Variants in MACROD2 observed in about 807,000 individuals in gnomAD.
The protein encoded by MACROD2 is ADP-ribose glycohydrolase MACROD2.
MACROD2 carries 36 observed loss-of-function variants against 70.4 expected under a neutral mutation model. The observed-to-expected ratio is 0.51, with a 90% CI of 0.39 to 0.68. MACROD2 has a LOEUF of 0.68. Ranked by LOEUF, MACROD2 falls within the 30% of genes least tolerant of loss-of-function variation. The pLI, the probability that MACROD2 is intolerant of heterozygous loss-of-function variation, is 0.00. For missense variants in MACROD2, 496 were observed against 538.4 expected, an observed-to-expected ratio of 0.92 and a Z score of 0.78; for synonymous variants, 172 against 178.8, an observed-to-expected ratio of 0.96 and a Z score of 0.30.
intron 6 of MACROD2, among the ~76,000 whole-genome samples, chr20:15,431,155 C>G (rs908343559): frequency 1.3e-5 from 2 of 151,988 alleles, no homozygotes; most frequent in East Asian, 3.8e-4. Context: ...TTAATAATAA[C>G]TTTAACAATT....
In MACROD2 at chr20:15,440,615, C is replaced by T. The variant is rs571281034; in HGVS notation, c.571+9180C>T. Among the ~76,000 whole-genome samples the T allele has an allele frequency of 4.9e-4, 75 of 152,310 alleles. 2 individuals are homozygous for T. In the South Asian group the frequency reaches 0.013, roughly 26 times the overall value. ...GGAAAAAAATTAGGGCATTCTCCAACGGCAATGCCAAGGGCATGCCCTTCA... is the reference window on the plus strand; with the variant it reads ...GGAAAAAAATTAGGGCATTCTCCAATGGCAATGCCAAGGGCATGCCCTTCA... On this transcript the variant is annotated intron_variant, in intron 7 of 17. Transcript: ENST00000684519.
chr20:15,519,409 T>C (rs781385356), intron 8 of MACROD2, among the ~76,000 whole-genome samples: 8 of 152,110 alleles, frequency 5.3e-5, no homozygotes, highest in Non-Finnish European at 8.8e-5. Context: ...CAGGCGTGAG[T>C]CACCGTGCCC....
intron 3 of MACROD2, among the ~76,000 whole-genome samples, chr20:14,451,931 A>G (rs999881578): frequency 3.9e-5 from 6 of 152,164 alleles, no homozygotes; most frequent in Non-Finnish European, 7.3e-5. Context: ...ATTCTGTGGT[A>G]TATTTATTTT....
At chr20:13,996,215 G>T (rs2052646899) in intron 1 of MACROD2, 1 of 225,202 alleles carries the variant, frequency 4.4e-6, no homozygotes, top group African/African-American at 2.3e-5. Flanking sequence ...CCCGTCGGCG[G>T]GCGCTCAGGC....
Position 15,255,522 on chromosome 20 carries a change from A to G in MACROD2, c.540+25461A>G, listed in dbSNP as rs140191684. 2.0e-3 allele frequency among the ~76,000 whole-genome samples: 308 copies of G among 152,214 alleles called. 1 individual carries two copies. The highest frequency in any genetic ancestry group is 0.011 in the East Asian group (58 of 5,180). ...GTTGACATTTACATGGTAGGGTATG[A>G]ACTGGGTGGTTTTAAGGTGAGTCTC... On this transcript the variant is annotated intron_variant, in intron 6 of 17. Coordinates refer to ENST00000684519, the MANE Select transcript of MACROD2 (RefSeq NM_001351661.2).
chr20:15,008,562 T>C (rs2122925430), intron 5 of MACROD2, among the ~76,000 whole-genome samples: 2 of 152,232 alleles, frequency 1.3e-5, no homozygotes, highest in Middle Eastern at 3.4e-3. Flanking sequence ...TAAAGTCTAC[T>C]GAGAAAGATG....
chr20:15,203,929 G>T (rs984995638), intron 5 of MACROD2, among the ~76,000 whole-genome samples: 1 of 151,998 alleles, frequency 6.6e-6, no homozygotes, highest in Non-Finnish European at 1.5e-5. Flanking sequence ...GATGTAGGTG[G>T]TGTATAAGTG....
chr20:15,118,382 G>T (rs1367692724), intron 5 of MACROD2, among the ~76,000 whole-genome samples: 1 of 151,748 alleles, frequency 6.6e-6, no homozygotes, highest in African/African-American at 2.4e-5. Context: ...TAGTAGAGAC[G>T]GGGTTTCACC....
intron 10 of MACROD2, among the ~76,000 whole-genome samples, chr20:15,921,484 G>A (rs1396828335): frequency 6.6e-6 from 1 of 152,104 alleles, no homozygotes; most frequent in Non-Finnish European, 1.5e-5. Flanking sequence ...CACTCCACCT[G>A]GAGCGATCAT....
At chr20:15,528,763 A>T (rs1259164023) in intron 8 of MACROD2, among the ~76,000 whole-genome samples, 3 of 151,116 alleles carry the variant, frequency 2.0e-5, no homozygotes, top group African/African-American at 7.3e-5. Flanking sequence ...CACTACTTTA[A>T]TGTAGCTTTT....
chr20:15,501,727 A>C (rs967133896), intron 8 of MACROD2, among the ~76,000 whole-genome samples: 1 of 152,214 alleles, frequency 6.6e-6, no homozygotes, highest in Non-Finnish European at 1.5e-5. Flanking sequence ...CCCTAGTTTC[A>C]ATATTCTAAT....
chr20:15,577,295 T>C (rs2048461948), intron 8 of MACROD2, among the ~76,000 whole-genome samples: 1 of 151,994 alleles, frequency 6.6e-6, no homozygotes, highest in African/African-American at 2.4e-5. Flanking sequence ...AGTTATCGAC[T>C]CACATCTACT....
intron 15 of MACROD2, among the ~76,000 whole-genome samples, chr20:15,989,134 A>G (rs952326205): frequency 6.6e-6 from 1 of 152,200 alleles, no homozygotes; most frequent in Non-Finnish European, 1.5e-5. Context: ...GACACATAGA[A>G]TGCACTCCAT....
intron 3 of MACROD2, among the ~76,000 whole-genome samples, chr20:14,088,895 G>GTT (rs1292818297): frequency 6.6e-6 from 1 of 152,082 alleles, no homozygotes; most frequent in Non-Finnish European, 1.5e-5. Flanking sequence ...AGTTGGCTCT[G>GTT]GTGTTTTTTA....
intron 2 of MACROD2, among the ~76,000 whole-genome samples, chr20:14,003,166 C>T (rs2052758377): frequency 6.6e-6 from 1 of 152,098 alleles, no homozygotes; most frequent in African/African-American, 2.4e-5. Context: ...ATGCTAATTT[C>T]AAAGGTTGTG....
rs147525272 is a variant in MACROD2 at position 14,555,604 on chromosome 20, A to T, written c.301+62096A>T. Among the ~76,000 whole-genome samples the T allele has an allele frequency of 2.0e-5, 3 of 152,158 alleles. No individual in the cohort carries two copies. The East Asian group carries it at 5.8e-4, about 30-fold the overall frequency. On this transcript the variant is annotated intron_variant, in intron 4 of 17. Coordinates refer to ENST00000684519, the MANE Select transcript of MACROD2 (RefSeq NM_001351661.2). ...TTACTCAAGGTTGACCTGAGACTCTAAATTAGGTTCATCCTCCTTGAAGAC... is the reference window on the plus strand; with the variant it reads ...TTACTCAAGGTTGACCTGAGACTCTTAATTAGGTTCATCCTCCTTGAAGAC...
intron 8 of MACROD2, among the ~76,000 whole-genome samples, chr20:15,841,549 C>T (rs1381868055): frequency 1.3e-5 from 2 of 152,034 alleles, no homozygotes; most frequent in African/African-American, 4.8e-5. Context: ...AGTTGCTGCA[C>T]ACTTTTAAAT....
At chr20:15,308,656 G>C (rs1483845274) in intron 6 of MACROD2, among the ~76,000 whole-genome samples, 1 of 152,152 alleles carries the variant, frequency 6.6e-6, no homozygotes, top group Non-Finnish European at 1.5e-5. Context: ...CAAACATTTA[G>C]ATTCAAGGAA....
At chr20:15,634,098 A>G (rs2049330911) in intron 8 of MACROD2, among the ~76,000 whole-genome samples, 3 of 152,234 alleles carry the variant, frequency 2.0e-5, no homozygotes, top group Non-Finnish European at 4.4e-5. Context: ...TGCTAATCAA[A>G]GAGCAGAGAA....
Sources: gnomAD v4.1 joint callset for allele counts (sites outside exome capture counted in the v4.1 genomes callset) on GRCh38, gnomAD v4.1.1 for gene constraint, MANE v1.5 for transcripts, NCBI Gene and HGNC (gene_info 2026-07-23, HGNC 2026-07-21) for gene names.